Variants in PKD1 observed in about 807,000 individuals in gnomAD.
PKD1 encodes the protein polycystin-1.
PKD1 carries 81 observed loss-of-function variants against 361.7 expected under a neutral mutation model. The ratio of observed to expected loss-of-function variants is 0.22; its 90% CI spans 0.19 to 0.27. The LOEUF (loss-of-function observed/expected upper bound fraction) is 0.27, where lower values mean the gene tolerates loss of function less well. Among genes scored for constraint, PKD1 ranks in the 10% least tolerant of loss-of-function variants. PKD1 has a pLI of 1.00. For synonymous variants in PKD1, 3,615 were observed against 2,818.3 expected (o/e 1.28, Z -8.95); for missense variants, 6,399 against 6,118.3 (o/e 1.05, Z -1.53).
intron 1 of PKD1, among the ~76,000 whole-genome samples, chr16:2,126,004 TGG>T (rs796406284): frequency 0.084 from 11,703 of 138,894 alleles, 1,450 homozygotes; most frequent in African/African-American, 0.27. Flanking sequence ...AAGAGGATGG[TGG>T]GGGGGGGGGC....
intron 13 of PKD1, 155 bp from the exon 14 acceptor site, chr16:2,112,628 C>T (rs1426081277): frequency 7.8e-6 from 8 of 1,023,692 alleles, no homozygotes; most frequent in South Asian, 1.4e-5. Context: ...TCTCCCGGCT[C>T]CCGTGCAGCC....
chr16:2,089,362 G>A lies in PKD1; in HGVS notation c.*365C>T, dbSNP rs73498118. The A allele has an allele frequency of 1.4e-3, 514 of 361,726 alleles. No homozygotes were observed. Among genetic ancestry groups the A allele is most frequent in the African/African-American group, 0.01 (488 of 48,586 alleles). The allele number at this position is 361,726 out of a possible 1,614,324, so 22.4% of individuals were successfully genotyped here. Reference sequence around the variant, plus strand: ...AATAACTTAGGGGCAGGGTGGCGGCGGTGCAGGCTAACCCTCCCTGAAGCC... The same window carrying A: ...AATAACTTAGGGGCAGGGTGGCGGCAGTGCAGGCTAACCCTCCCTGAAGCC... On this transcript the variant is annotated 3_prime_UTR_variant, in exon 46 of 46. Coordinates refer to ENST00000262304, the MANE Select transcript of PKD1 (RefSeq NM_001009944.3).
At position 2,100,993 on chromosome 16, in the gene PKD1, C is replaced by T. The variant is rs139585603; in HGVS notation, c.9398-427G>A. Among the ~76,000 whole-genome samples, 5 of 148,994 alleles carry T rather than the reference C, an allele frequency of 3.4e-5. No homozygotes were observed. The highest frequency in any genetic ancestry group is 4.9e-5 in the African/African-American group (2 of 40,504). ...AGACCCAGGTGACAGTATTTTTTTT[C>T]TTTTTTTTTTGAGATGGAGTCTTGC... On this transcript the variant is annotated intron_variant, in intron 26 of 45. Coordinates refer to ENST00000262304, the MANE Select transcript of PKD1 (RefSeq NM_001009944.3). The surrounding 1 kb of genome is among the most constrained non-coding windows in gnomAD (Gnocchi z 4.4).
chr16:2,105,769 G>A (rs1319707035), intron 20 of PKD1, 96 bp downstream of exon 20: 65 of 1,407,954 alleles, frequency 4.6e-5, no homozygotes, highest in East Asian at 9.2e-5. Context: ...TCTGGGGCCC[G>A]GGATGAGCCC....
At position 2,114,434 on chromosome 16, in the gene PKD1, C is replaced by T. The variant is rs577268844; in HGVS notation, c.2589G>A (p.Gly863=). ...TCTCAAAGCGGGCGCTGACACTGCC[C>T]CCAGGCCAGCGAGCCGTGGCCGTGG... ...ANATATARWP[G]GSVSARFENV... The change falls in exon 11 of 46, where the codon GGG becomes GGA. Residue 863 remains glycine, a synonymous_variant. Transcript: ENST00000262304. 2.5e-6 allele frequency: 4 copies of T among 1,600,566 alleles called. No individual in the cohort carries two copies. Among genetic ancestry groups the T allele is most frequent in the African/African-American group, 2.7e-5 (2 of 74,966 alleles).
Position 2,097,442 on chromosome 16 carries a change from A to G in PKD1, c.10282T>C (p.Ser3428Pro). The change falls in exon 33 of 46, where the codon TCC becomes CCC. Residue 3428 changes from serine (S) to proline (P), a missense_variant. By Grantham distance (74) the Ser-to-Pro change is moderately conservative. Coordinates refer to ENST00000262304, the MANE Select transcript of PKD1 (RefSeq NM_001009944.3). ...LSWPDLLSDPSIVGSNLRQLA... is the reference protein window; with the variant it reads ...LSWPDLLSDPPIVGSNLRQLA... ...TGCCGCAGATTGCTACCCACAATGGACGGGTCACTGAGCAGGTCCGGCCAA... is the reference window on the plus strand; with the variant it reads ...TGCCGCAGATTGCTACCCACAATGGGCGGGTCACTGAGCAGGTCCGGCCAA... 1 of 1,606,762 alleles carries G rather than the reference A, an allele frequency of 6.2e-7. No homozygotes were observed. Among genetic ancestry groups the G allele is most frequent in the Non-Finnish European group, 8.5e-7 (1 of 1,179,926 alleles).
intron 1 of PKD1, among the ~76,000 whole-genome samples, chr16:2,131,163 G>C (rs2092873199): frequency 6.6e-6 from 1 of 152,190 alleles, no homozygotes; most frequent in Non-Finnish European, 1.5e-5. Context: ...GCAGGAGCCA[G>C]TTTCTTCAAC....
chr16:2,096,137 G>A (rs763201791), intron 34 of PKD1, among the ~76,000 whole-genome samples: 9 of 152,238 alleles, frequency 5.9e-5, no homozygotes, highest in Non-Finnish European at 8.8e-5. Context: ...TAGTGCCAGG[G>A]ATGTGTTCTG....
At chr16:2,115,827 C>A (rs988387602) in intron 9 of PKD1, among the ~76,000 whole-genome samples, 165 bp downstream of exon 9, 1 of 152,196 alleles carries the variant, frequency 6.6e-6, no homozygotes, top group South Asian at 2.1e-4. Flanking sequence ...CCCAATCCAC[C>A]CCCAGGACAC....
rs957822502 is a variant in PKD1 at position 2,089,379 on chromosome 16, C to T, written c.*348G>A. The T allele has an allele frequency of 7.4e-6, 3 of 403,296 alleles. No individual in the cohort carries two copies. The highest frequency in any genetic ancestry group is 8.1e-5 in the Admixed American group (2 of 24,728). The allele number at this position is 403,296 out of a possible 1,614,324, so 25.0% of individuals were successfully genotyped here. On this transcript the variant is annotated 3_prime_UTR_variant, in exon 46 of 46. Coordinates refer to ENST00000262304, the MANE Select transcript of PKD1 (RefSeq NM_001009944.3). ...GTGGCGGCGGTGCAGGCTAACCCTC[C>T]CTGAAGCCAGCAGCCTTAGCAGTGG... is the stretch of plus-strand genomic sequence containing the variant.
chr16:2,115,094 G>A, intron 10 of PKD1, 169 bp from the exon 11 acceptor site: 1 of 984,622 alleles, frequency 1.0e-6, no homozygotes, highest in Non-Finnish European at 1.2e-6. Flanking sequence ...GCAGACCGGG[G>A]GACACACGGG....
chr16:2,127,732 G>C (rs1468896550), intron 1 of PKD1, among the ~76,000 whole-genome samples: 2 of 151,384 alleles, frequency 1.3e-5, no homozygotes, highest in African/African-American at 4.8e-5. Context: ...CCACTTTACA[G>C]GTGAGGAAAC....
chr16:2,093,303 T>A, intron 37 of PKD1: 1 of 691,682 alleles, frequency 1.4e-6, no homozygotes, highest in Non-Finnish European at 2.5e-6. Context: ...GCCACTGCAG[T>A]GGTGCTTAGG....
At chr16:2,091,747 C>A in intron 41 of PKD1, 34 bp downstream of exon 41, 1 of 1,606,620 alleles carries the variant, frequency 6.2e-7, no homozygotes, top group Admixed American at 1.7e-5. Flanking sequence ...GTGACTGCGG[C>A]CACCCCGGAG....
At chr16:2,130,248 C>A (rs1383233633) in intron 1 of PKD1, among the ~76,000 whole-genome samples, 1 of 152,224 alleles carries the variant, frequency 6.6e-6, no homozygotes, top group Non-Finnish European at 1.5e-5. Context: ...AGGTCCTCAC[C>A]ACTGCCTCCG....
Position 2,106,268 on chromosome 16 carries a change from A to T in PKD1, c.7526T>A (p.Val2509Glu). The T allele has an allele frequency of 6.2e-7, 1 of 1,610,080 alleles. No individual in the cohort carries two copies. Among genetic ancestry groups the T allele is most frequent in the Non-Finnish European group, 8.5e-7 (1 of 1,179,502 alleles). Residue 2509 changes from valine to glutamate, a missense_variant, in exon 19 of 46, where the codon GTG (valine) becomes GAG (glutamate). Val to Glu is a moderately radical substitution (Grantham distance 121). Coordinates refer to ENST00000262304, the MANE Select transcript of PKD1 (RefSeq NM_001009944.3). The surrounding 1 kb of genome is among the most constrained non-coding windows in gnomAD (Gnocchi z 6.5). ...ACAGCGCCGCAGCAGCAGGGCGTAC[A>T]CCAGCGGGGCGCCAGCATCCTCCGC... Reference protein sequence around the residue: ...HDAEDAGAPLVYALLLRRCRQ... With the variant: ...HDAEDAGAPLEYALLLRRCRQ...
rs144212032 is a variant in PKD1 at position 2,103,335 on chromosome 16, C to A, written c.8722G>T (p.Val2908Leu). 2 of 1,606,788 alleles carry A rather than the reference C, an allele frequency of 1.2e-6. No individual in the cohort carries two copies. The highest frequency in any genetic ancestry group is 1.7e-6 in the Non-Finnish European group (2 of 1,179,668). Reference sequence around the variant, plus strand: ...GGGTTGCTGCTGTCCAGGGTGACCACAGCACCGACGGAGGCCTGGGGCTGG... The same window carrying A: ...GGGTTGCTGCTGTCCAGGGTGACCAAAGCACCGACGGAGGCCTGGGGCTGG... Reference protein sequence around the residue: ...VVQPQASVGAVVTLDSSNPAA... With the variant: ...VVQPQASVGALVTLDSSNPAA... Residue 2908 changes from valine (V) to leucine (L), a missense_variant, in exon 23 of 46, where the codon GTG becomes TTG. Transcript: ENST00000262304.
chr16:2,122,145 C>A (rs1828846349), intron 1 of PKD1, among the ~76,000 whole-genome samples: 1 of 152,262 alleles, frequency 6.6e-6, no homozygotes, highest in African/African-American at 2.4e-5. Context: ...GCAGCCGAGG[C>A]CTTCTCCGTG....
Position 2,093,817 on chromosome 16 carries a change from T to C in PKD1, c.10815A>G (p.Pro3605=). The C allele has an allele frequency of 1.9e-6, 3 of 1,555,874 alleles. No individual in the cohort carries two copies. Among genetic ancestry groups the C allele is most frequent in the Non-Finnish European group, 2.6e-6 (3 of 1,155,142 alleles). Residue 3605 remains proline, a synonymous_variant, in exon 36 of 46, where the codon CCA becomes CCG. Transcript: ENST00000262304. ...SFLASFLGWE[P]LKVLLEALYF... ...CCCCTGGCAGCCCCCTCACCTTCAG[T>C]GGCTCCCAGCCGAGGAATGAGGCCA...
Sources: allele counts gnomAD v4.1 joint callset (sites outside exome capture counted in the v4.1 genomes callset), GRCh38; gene constraint gnomAD v4.1.1; non-coding constraint Gnocchi (gnomAD v3.1); transcripts MANE v1.5; gene names NCBI Gene and HGNC (gene_info 2026-07-23, HGNC 2026-07-21).